ANXA11: variants seen among roughly 807,000 people sequenced by gnomAD.
ANXA11 encodes the protein 56 kDa autoantigen.
A neutral mutation model predicts 64.7 loss-of-function variants in ANXA11; 57 were observed. That is an observed-to-expected ratio of 0.88 (90% confidence interval 0.71 to 1.10). The LOEUF (loss-of-function observed/expected upper bound fraction) is 1.10, where lower values mean the gene tolerates loss of function less well. Among genes scored for constraint, ANXA11 ranks in the 50% least tolerant of loss-of-function variants. ANXA11 has a pLI of 0.00. For missense variants in ANXA11, 675 were observed against 670.7 expected (o/e 1.01, Z -0.07); for synonymous variants, 260 against 265.2 (o/e 0.98, Z 0.19).
chr10:80,166,603 A>G, intron 7 of ANXA11: 1 of 493,396 alleles, frequency 2.0e-6, no homozygotes, highest in East Asian at 3.6e-5. Flanking sequence ...GGTCATGAAG[A>G]GGGCAGGGGA....
chr10:80,166,225 A>C, intron 7 of ANXA11, 28 bp from the exon 8 acceptor site: 12 of 1,325,414 alleles, frequency 9.1e-6, no homozygotes, highest in African/African-American at 1.5e-5. Flanking sequence ...CAAACAACCA[A>C]CAAAAAAAAA....
At chr10:80,180,572 T>C (rs769576520) in intron 1 of ANXA11, among the ~76,000 whole-genome samples, 2 of 151,778 alleles carry the variant, frequency 1.3e-5, no homozygotes, top group Non-Finnish European at 2.9e-5. Context: ...GGGACTACAG[T>C]GGATGCTTTC....
At chr10:80,201,570 G>A (rs1840423271) in intron 1 of ANXA11, among the ~76,000 whole-genome samples, 2 of 152,262 alleles carry the variant, frequency 1.3e-5, no homozygotes, top group South Asian at 4.1e-4. Context: ...CCATGTCTCA[G>A]GGACACCAGG....
intron 1 of ANXA11, among the ~76,000 whole-genome samples, chr10:80,189,196 G>A (rs189539657): frequency 3.3e-3 from 505 of 152,306 alleles, no homozygotes; most frequent in African/African-American, 0.012. Context: ...TTTGTTGCTG[G>A]GTTAAGGATG....
chr10:80,199,427 A>C (rs1406321661), intron 1 of ANXA11, among the ~76,000 whole-genome samples: 2 of 152,144 alleles, frequency 1.3e-5, no homozygotes, highest in Admixed American at 6.6e-5. Context: ...AGAAAGAAAT[A>C]TTTAAAACTA....
intron 8 of ANXA11, 122 bp downstream of exon 8, chr10:80,165,962 T>A: frequency 3.7e-6 from 2 of 535,522 alleles, no homozygotes; most frequent in Non-Finnish European, 6.5e-6. Flanking sequence ...AGCTAATGAG[T>A]GGGCTAGAAC....
At position 80,153,288 on chromosome 10, in the gene ANXA11, G is replaced by A. The variant is rs543051125; in HGVS notation, c.*2565C>T. The A allele has an allele frequency of 8.5e-5, 13 of 152,240 alleles. No individual in the cohort carries two copies. Among genetic ancestry groups the A allele is most frequent in the Non-Finnish European group, 1.6e-4 (11 of 68,038 alleles). 9.4% of individuals were successfully genotyped at this position (152,240 alleles called of 1,614,324 possible). ...CAGCTCCAGCCATGCAGGAATGCAA[G>A]CCCCATAGTGCCAGAATTTCTGAGT... On this transcript the variant is annotated 3_prime_UTR_variant, in exon 16 of 16. Transcript: ENST00000422982.
chr10:80,166,833 G>T, intron 7 of ANXA11, 57 bp downstream of exon 7: 1 of 1,327,776 alleles, frequency 7.5e-7, no homozygotes, highest in African/African-American at 1.4e-5. Flanking sequence ...GGGAGAGCAG[G>T]GCTGTGCTGA....
rs774616730 is a variant in ANXA11, at chr10:80,172,810, G to A, written c.52C>T (p.Pro18Ser). 1.9e-6 allele frequency: 3 copies of A among 1,613,940 alleles called. No individual in the cohort carries two copies. Among genetic ancestry groups the A allele is most frequent in the South Asian group, 1.1e-5 (1 of 91,076 alleles). The change falls in exon 3 of 16, where the codon CCA becomes TCA. Residue 18 changes from proline (P) to serine (S), a missense_variant. Pro to Ser is a moderately conservative substitution (Grantham distance 74, BLOSUM62 -1). Transcript: ENST00000422982. ...TCCCCACCCCAGACCCTCTTACCTG[G>A]TGCAGCTGGTGGGTAGCCACCTGGG... ...PPPGGYPPAA[P>S]GGGPWGGAAY... is the part of the protein sequence containing the mutation.
intron 8 of ANXA11, among the ~76,000 whole-genome samples, chr10:80,165,501 G>A (rs570477498): frequency 3.5e-4 from 54 of 152,292 alleles, no homozygotes; most frequent in Non-Finnish European, 4.4e-4. Context: ...TTCTGGAGCT[G>A]GGTCTCATAG....
intron 2 of ANXA11, among the ~76,000 whole-genome samples, chr10:80,174,032 A>G (rs578234322): frequency 1.3e-5 from 2 of 152,302 alleles, no homozygotes; most frequent in African/African-American, 4.8e-5. Flanking sequence ...TGCCCTTCAT[A>G]TCTATCTTGA....
chr10:80,171,147 A>G (rs995718784), intron 3 of ANXA11: 2 of 1,442,378 alleles, frequency 1.4e-6, no homozygotes, highest in African/African-American at 2.8e-5. Context: ...GAGTTCCCCA[A>G]ACACTCCCAA....
At chr10:80,157,499 G>A in intron 15 of ANXA11, 142 bp downstream of exon 15, 2 of 1,474,442 alleles carry the variant, frequency 1.4e-6, no homozygotes, top group Admixed American at 2.4e-5. Context: ...TTAAGGGCAA[G>A]GGGATGAACA....
Position 80,177,607 on chromosome 10 carries a change from C to T in ANXA11, c.-57-1452G>A, listed in dbSNP as rs181713802. ...CAAGTAACCAAGACGAAAGGGACAA[C>T]GAGGGACACTACAGAACTGTCATAC... On this transcript the variant is annotated intron_variant, in intron 1 of 15. Coordinates refer to ENST00000422982, the MANE Select transcript of ANXA11 (RefSeq NM_145868.2). Among the ~76,000 whole-genome samples, 45 of 152,220 alleles carry T rather than the reference C, an allele frequency of 3.0e-4. No individual in the cohort carries two copies. The East Asian group carries it at 4.8e-3, about 16-fold the overall frequency.
At chr10:80,160,996 T>TC (rs1845480990) in intron 12 of ANXA11, among the ~76,000 whole-genome samples, 3 of 151,598 alleles carry the variant, frequency 2.0e-5, no homozygotes, top group Admixed American at 1.3e-4. Flanking sequence ...TTACCACCAT[T>TC]CCTCCCCGGG....
At chr10:80,162,176 C>T in intron 11 of ANXA11, 148 bp from the exon 12 acceptor site, 1 of 597,036 alleles carries the variant, frequency 1.7e-6, no homozygotes. Context: ...CTCTAAAGTG[C>T]CTGCTAGGCC....
intron 5 of ANXA11, among the ~76,000 whole-genome samples, chr10:80,168,282 G>C (rs933951250): frequency 1.3e-5 from 2 of 152,094 alleles, no homozygotes; most frequent in African/African-American, 4.8e-5. Context: ...CATATCAAGG[G>C]ACCGAAGACA....
At chr10:80,184,525 CGT>C (rs978478081) in intron 1 of ANXA11, among the ~76,000 whole-genome samples, 5 of 151,454 alleles carry the variant, frequency 3.3e-5, no homozygotes, top group East Asian at 1.9e-4. Flanking sequence ...AGTCAGGGAC[CGT>C]GTGTGTGTGT....
Position 80,168,411 on chromosome 10 carries a change from T to G in ANXA11, c.561+558A>C, listed in dbSNP as rs141168865. 3.9e-5 allele frequency among the ~76,000 whole-genome samples: 6 copies of G among 152,208 alleles called. No homozygotes were observed. In the East Asian group the frequency reaches 1.2e-3, roughly 29 times the overall value. ...CTCGCCAGGGGTGTTCTGACCCAAC[T>G]CGGATGTGGAGCGTCTCATCACACC... On this transcript the variant is annotated intron_variant, in intron 5 of 15. Coordinates refer to ENST00000422982, the MANE Select transcript of ANXA11 (RefSeq NM_145868.2).
Sources: allele counts gnomAD v4.1 joint callset (sites outside exome capture counted in the v4.1 genomes callset), GRCh38; gene constraint gnomAD v4.1.1; transcripts MANE v1.5; gene names NCBI Gene and HGNC (gene_info 2026-07-23, HGNC 2026-07-21).